PUDP: variants seen among roughly 807,000 people sequenced by gnomAD.
PUDP encodes pseudouridine 5'-phosphatase.
Under a neutral mutation model 9.4 loss-of-function variants are expected in PUDP, and 8 were observed. The ratio of observed to expected loss-of-function variants is 0.85; its 90% confidence interval spans 0.50 to 1.53. The LOEUF is 1.53. PUDP is among the 40% of genes most tolerant of loss of function. The pLI is 0.00. For synonymous variants in PUDP, 99 were observed against 80.7 expected (o/e 1.23, Z -1.22); for missense variants, 188 against 189.7 (o/e 0.99, Z 0.05).
intron 3 of PUDP, among the ~76,000 whole-genome samples, chrX:6,761,790 G>A (rs779350051): frequency 3.6e-5 from 4 of 111,817 alleles, no homozygotes; most frequent in African/African-American, 6.5e-5. Flanking sequence ...GAAGAGGAAC[G>A]ATTACATTAA....
In PUDP at chrX:7,110,985, G is replaced by A. The variant is rs1021065237; in HGVS notation, c.62-5147C>T. Among the ~76,000 whole-genome samples, 3 of 111,917 alleles carry A rather than the reference G, an allele frequency of 2.7e-5. No homozygotes were observed. The Admixed American group carries it at 2.8e-4, about 11-fold the overall frequency. On this transcript the variant is annotated intron_variant, in intron 1 of 3. Transcript: ENST00000381077. ...ACAGGGGATATGATGGCTTAGCTTG[G>A]GCTCAGAGGCCTGACAATCTCGAAC...
chrX:7,142,346 G>T (rs1235193248), intron 1 of PUDP, among the ~76,000 whole-genome samples: 1 of 112,219 alleles, frequency 8.9e-6, no homozygotes, highest in Non-Finnish European at 1.9e-5. Flanking sequence ...GGATGACTTT[G>T]AGGGGTTCAA....
chrX:7,131,352 C>T (rs1432549893), intron 1 of PUDP, among the ~76,000 whole-genome samples: 1 of 110,684 alleles, frequency 9.0e-6, no homozygotes, highest in African/African-American at 3.3e-5. Flanking sequence ...GCCCGAGAAT[C>T]GGACCTTATT....
In PUDP at chrX:7,015,891, A is replaced by G. The variant is rs111627558; in HGVS notation, c.205-37548T>C. Among the ~76,000 whole-genome samples the G allele has an allele frequency of 1.6e-3, 174 of 110,650 alleles. 2 individuals carry two copies. Among genetic ancestry groups the G allele is most frequent in the African/African-American group, 5.4e-3 (165 of 30,364 alleles). On this transcript the variant is annotated intron_variant and NMD_transcript_variant, in intron 1 of 3. Coordinates refer to the PUDP transcript ENST00000655425. ...CACACCCAATCCAGATAATTTCTGTATGGCCAGTTTTTACACAGGAAGGTA... is the reference window on the plus strand; with the variant it reads ...CACACCCAATCCAGATAATTTCTGTGTGGCCAGTTTTTACACAGGAAGGTA...
intron 3 of PUDP, among the ~76,000 whole-genome samples, chrX:6,903,954 T>A (rs6639697): frequency 0.37 from 36,433 of 98,553 alleles, 5,611 homozygotes; most frequent in East Asian, 0.69. Context: ...ATATATATAT[T>A]TATTTTTTTT....
chrX:7,120,066 GCACA>G (rs760953418), intron 1 of PUDP, among the ~76,000 whole-genome samples: 1 of 110,018 alleles, frequency 9.1e-6, no homozygotes, highest in South Asian at 3.8e-4. Flanking sequence ...ATACACACAT[GCACA>G]CACAGACACC....
intron 1 of PUDP, among the ~76,000 whole-genome samples, chrX:7,005,781 C>T (rs1324569674): frequency 9.0e-6 from 1 of 111,198 alleles, no homozygotes; most frequent in East Asian, 2.8e-4. Flanking sequence ...CACCCATCTT[C>T]AGAGTATTTT....
intron 3 of PUDP, among the ~76,000 whole-genome samples, chrX:6,945,727 G>GA (rs1928454761): frequency 9.0e-6 from 1 of 110,657 alleles, no homozygotes; most frequent in Admixed American, 9.7e-5. Context: ...AAGAAACACA[G>GA]AAAAAAAAGC....
At chrX:6,820,002 T>C (rs1171104861) in intron 3 of PUDP, among the ~76,000 whole-genome samples, 2 of 101,530 alleles carry the variant, frequency 2.0e-5, no homozygotes, top group Non-Finnish European at 3.9e-5. Flanking sequence ...CATAAATTTT[T>C]CTTTTTTTTT....
chrX:6,834,692 A>C (rs1035927310), intron 3 of PUDP, among the ~76,000 whole-genome samples: 2 of 111,514 alleles, frequency 1.8e-5, no homozygotes, highest in Non-Finnish European at 3.8e-5. Flanking sequence ...ATTTATAATA[A>C]CAGAAATCAA....
At chrX:6,980,797 A>T (rs1292151603) in intron 1 of PUDP, among the ~76,000 whole-genome samples, 2 of 111,739 alleles carry the variant, frequency 1.8e-5, no homozygotes, top group Admixed American at 9.5e-5. Flanking sequence ...GAAGTATTCT[A>T]AGTAATATAA....
intron 3 of PUDP, among the ~76,000 whole-genome samples, chrX:6,912,520 A>AT (rs967407518): frequency 5.4e-5 from 6 of 111,601 alleles, no homozygotes; most frequent in Admixed American, 2.9e-4. Context: ...GGCATCCCAC[A>AT]TTTTCTCCTT....
intron 3 of PUDP, among the ~76,000 whole-genome samples, chrX:6,830,265 T>C (rs1926484234): frequency 9.1e-6 from 1 of 110,289 alleles, no homozygotes; most frequent in African/African-American, 3.3e-5. Context: ...ACCTGGAGGC[T>C]GAGAAGGACT....
intron 3 of PUDP, among the ~76,000 whole-genome samples, chrX:7,052,536 G>C: frequency 8.9e-6 from 1 of 112,147 alleles, no homozygotes; most frequent in East Asian, 2.8e-4. Flanking sequence ...CTGTGCTGTA[G>C]CCAGCACAAT....
In PUDP at chrX:7,062,688, C is replaced by T. The variant is rs1930437664; in HGVS notation, c.511-12216G>A. ...GTCAGGCTGAGAGGTCTGTGCTTTA[C>T]GAGGTGGGTGGGGAGGGAAGCTGGG... is the stretch of plus-strand genomic sequence containing the variant. On this transcript the variant is annotated intron_variant, in intron 3 of 3. Coordinates refer to ENST00000381077, the MANE Select transcript of PUDP (RefSeq NM_012080.5). Among the ~76,000 whole-genome samples the T allele has an allele frequency of 2.8e-5, 3 of 108,111 alleles. No homozygotes were observed. In the Admixed American group the frequency reaches 3.0e-4, roughly 11 times the overall value. The allele number at this position is 108,111 out of a possible 115,157, so 93.9% of individuals were successfully genotyped here. A position where few individuals can be genotyped will look rare whatever the true frequency, so the allele number is the denominator to read the frequency against.
chrX:7,134,176 G>A (rs1286601513), intron 1 of PUDP, among the ~76,000 whole-genome samples: 1 of 112,053 alleles, frequency 8.9e-6, no homozygotes, highest in East Asian at 2.8e-4. Flanking sequence ...AGTTACCAAC[G>A]CAGCTCATGT....
chrX:7,104,974 T>A (rs2038085882), intron 2 of PUDP, among the ~76,000 whole-genome samples: 1 of 111,671 alleles, frequency 9.0e-6, no homozygotes, highest in Non-Finnish European at 1.9e-5. Context: ...CAGAAAAATC[T>A]TCAAATAGTC....
At chrX:6,716,573 T>A (rs1390763592) in intron 1 of PUDP, among the ~76,000 whole-genome samples, 16 of 111,867 alleles carry the variant, frequency 1.4e-4, no homozygotes, top group Non-Finnish European at 3.0e-4. Context: ...TTTGTTCCCT[T>A]CTTTACCAAG....
chrX:6,863,558 G>T (rs1441629689), intron 3 of PUDP, among the ~76,000 whole-genome samples: 1 of 111,815 alleles, frequency 8.9e-6, no homozygotes, highest in Non-Finnish European at 1.9e-5. Flanking sequence ...TATAATCGGG[G>T]TGACTGCATG....
Sources: allele counts gnomAD v4.1 joint callset (sites outside exome capture counted in the v4.1 genomes callset), GRCh38; gene constraint gnomAD v4.1.1; transcripts MANE v1.5; gene names NCBI Gene and HGNC (gene_info 2026-07-23, HGNC 2026-07-21).